The following JAKMIP3 variants were observed in gnomAD, a reference collection of about 807,000 sequenced individuals.
JAKMIP3 encodes the protein janus kinase and microtubule-interacting protein 3.
JAKMIP3 carries 58 observed loss-of-function variants against 118.5 expected under a neutral mutation model. The observed-to-expected ratio is 0.49, with a 90% CI of 0.40 to 0.61. The LOEUF (loss-of-function observed/expected upper bound fraction) is 0.61. Among genes scored for constraint, JAKMIP3 ranks in the 20% least tolerant of loss-of-function variants. The probability of loss-of-function intolerance (pLI) is 0.00; values close to 1 mark genes in which losing one functional copy is unlikely to be tolerated. For missense variants in JAKMIP3, 950 were observed against 1,109.0 expected, an observed-to-expected ratio of 0.86 and a Z score of 2.04; for synonymous variants, 486 against 451.2, an observed-to-expected ratio of 1.08 and a Z score of -0.98.
rs992640007 is a variant in JAKMIP3 at position 132,049,604 on chromosome 10, C to T, written c.-138+12866C>T. On this transcript the variant is annotated intron_variant, in intron 1 of 23. Coordinates refer to the JAKMIP3 transcript ENST00000657785. This position sits in a 1 kb window ranked among gnomAD's most constrained non-coding sequence, Gnocchi z 4.3. The stretch of plus-strand genomic sequence containing the variant: ...TTTCCATATCCTTGAATGCTGTTTG[C>T]GTGTGCCCGGTTCTGTTTGGATGTA... 1.3e-5 allele frequency among the ~76,000 whole-genome samples: 2 copies of T among 151,700 alleles called. No individual in the cohort carries two copies. The highest frequency in any genetic ancestry group is 2.9e-5 in the Non-Finnish European group (2 of 67,982).
At chr10:132,038,493 G>A (rs1342542477) in intron 1 of JAKMIP3, among the ~76,000 whole-genome samples, 1 of 152,140 alleles carries the variant, frequency 6.6e-6, no homozygotes, top group African/African-American at 2.4e-5. Flanking sequence ...AAGAAATAGC[G>A]ATGATCAAAA....
At chr10:132,075,394 A>T (rs2040624286) in intron 1 of JAKMIP3, among the ~76,000 whole-genome samples, 1 of 130,816 alleles carries the variant, frequency 7.6e-6, no homozygotes, top group African/African-American at 3.0e-5. Context: ...TATTGCTTTC[A>T]TATACTTCAC....
chr10:132,052,465 C>G (rs1361699066), intron 1 of JAKMIP3, among the ~76,000 whole-genome samples: 1 of 152,160 alleles, frequency 6.6e-6, no homozygotes, highest in Non-Finnish European at 1.5e-5. Context: ...AGAATTCTGT[C>G]AGTATATCTT....
At chr10:132,180,740 TGCGTGCGCGCGCGTGTGTGC>T (rs1565021707) in intron 23 of JAKMIP3, among the ~76,000 whole-genome samples, 2 of 5,138 alleles carry the variant, frequency 3.9e-4, no homozygotes, top group Admixed American at 2.7e-3. Context: ...CGTGTGTGCG[TGCGTGCGCGCGCGTGTGTGC>T]GTGTGTGTGC....
In JAKMIP3 at chr10:132,037,082, G is replaced by A. The variant is rs573595710; in HGVS notation, c.-138+344G>A. On this transcript the variant is annotated intron_variant, in intron 1 of 23. Coordinates refer to the JAKMIP3 transcript ENST00000657785. ...GACTGTGCCTCCCGCGGAAAGGGGC[G>A]CCGTGCGATTATTTTTATGTTGGTG... 8.0e-4 allele frequency among the ~76,000 whole-genome samples: 122 copies of A among 152,364 alleles called. 1 individual carries two copies. Among genetic ancestry groups the A allele is most frequent in the African/African-American group, 2.8e-3 (118 of 41,584 alleles).
intron 1 of JAKMIP3, among the ~76,000 whole-genome samples, chr10:132,053,338 A>G (rs2038148847): frequency 6.6e-6 from 1 of 152,154 alleles, no homozygotes. Context: ...TGTGGGTTGT[A>G]TAGTTCTGTT....
rs1195743202 is a variant in JAKMIP3 at position 132,180,574 on chromosome 10, T to TGCGCGCGC, written c.*1104-1782_*1104-1781insCGCGCGCG. On this transcript the variant is annotated intron_variant, in intron 23 of 23. Transcript: ENST00000684848. ...GCGTGCATGCGTGTGTGTGCGTGTG[T>TGCGCGCGC]GTGTGCGTGCGCGTGTGTGTGTGCG... 1.6e-4 allele frequency among the ~76,000 whole-genome samples: 7 copies of TGCGCGCGC among 42,704 alleles called. 1 individual carries two copies. The highest frequency in any genetic ancestry group is 2.9e-4 in the Admixed American group (1 of 3,468). 28.0% of individuals were successfully genotyped at this position (42,704 alleles called of 152,430 possible).
Position 132,044,756 on chromosome 10 carries a change from C to T in JAKMIP3, c.-138+8018C>T, listed in dbSNP as rs141051080. Reference sequence around the variant, plus strand: ...GAGTAGGGACAATCGCAGTGCTGTGCAAACCACCTCCAGAACGATTTCATC... The same window carrying T: ...GAGTAGGGACAATCGCAGTGCTGTGTAAACCACCTCCAGAACGATTTCATC... On this transcript the variant is annotated intron_variant, in intron 1 of 23. Transcript: ENST00000657785. This position sits in a 1 kb window ranked among gnomAD's most constrained non-coding sequence, Gnocchi z 5.3. Among the ~76,000 whole-genome samples, 565 of 152,252 alleles carry T rather than the reference C, an allele frequency of 3.7e-3. 7 individuals are homozygous for T. Among genetic ancestry groups the T allele is most frequent in the African/African-American group, 0.013 (532 of 41,540 alleles).
At chr10:132,059,074 C>T (rs962649464) in intron 1 of JAKMIP3, among the ~76,000 whole-genome samples, 4 of 152,234 alleles carry the variant, frequency 2.6e-5, no homozygotes, top group Non-Finnish European at 5.9e-5. Context: ...CAGCTGTTCG[C>T]GCGGACGACA....
upstream of JAKMIP3, among the ~76,000 whole-genome samples, chr10:132,036,643 C>A (rs1017078011): frequency 1.1e-4 from 16 of 150,878 alleles, no homozygotes; most frequent in Admixed American, 6.6e-4. Context: ...GGGGCTCCTG[C>A]CCGCGGTGAC....
chr10:132,168,677 G>A lies in JAKMIP3; in HGVS notation c.*747G>A, dbSNP rs993492133. The A allele has an allele frequency of 3.1e-5, 10 of 322,498 alleles. No individual in the cohort carries two copies. Among genetic ancestry groups the A allele is most frequent in the East Asian group, 2.0e-4 (2 of 10,140 alleles). The allele number at this position is 322,498 out of a possible 1,614,324, so 20.0% of individuals were successfully genotyped here. On this transcript the variant is annotated 3_prime_UTR_variant, in exon 23 of 24. Transcript: ENST00000684848. ...GGAAGGCCAAGATCCCGCCCAAGCC[G>A]CCAGCTGGGAGCACCGCGGGACTGA... is the stretch of plus-strand genomic sequence containing the variant.
intron 1 of JAKMIP3, among the ~76,000 whole-genome samples, chr10:132,067,365 C>T (rs1034768440): frequency 5.9e-5 from 9 of 152,136 alleles, no homozygotes; most frequent in African/African-American, 2.2e-4. Flanking sequence ...CCTAAGGGCA[C>T]GCTGTGGCAG....
At position 132,071,053 on chromosome 10, in the gene JAKMIP3, T is replaced by C. The variant is rs142837843; in HGVS notation, c.-138+4992T>C. Among the ~76,000 whole-genome samples the C allele has an allele frequency of 3.6e-3, 556 of 152,338 alleles. 7 individuals are homozygous for C. The highest frequency in any genetic ancestry group is 8.6e-3 in the African/African-American group (356 of 41,586). Reference sequence around the variant, plus strand: ...ATAACTTTTTCTCTTTATACCACTTTAGCTGTGTCCTGCAACTTCTGGTAT... The same window carrying C: ...ATAACTTTTTCTCTTTATACCACTTCAGCTGTGTCCTGCAACTTCTGGTAT... On this transcript the variant is annotated intron_variant, in intron 1 of 23. Transcript: ENST00000684848.
At chr10:132,128,037 C>T (rs138630164) in intron 3 of JAKMIP3, among the ~76,000 whole-genome samples, 109 of 152,248 alleles carry the variant, frequency 7.2e-4, no homozygotes, top group African/African-American at 2.5e-3. Context: ...TTTACAATTT[C>T]TTATCTGCAG....
At chr10:132,165,482 C>G (rs1363597653) in intron 21 of JAKMIP3, among the ~76,000 whole-genome samples, 1 of 152,158 alleles carries the variant, frequency 6.6e-6, no homozygotes, top group Non-Finnish European at 1.5e-5. Flanking sequence ...TTTGCTAAAT[C>G]TGCTATGCGG....
At chr10:132,077,350 C>G (rs2040992482) in intron 1 of JAKMIP3, among the ~76,000 whole-genome samples, 2 of 152,144 alleles carry the variant, frequency 1.3e-5, no homozygotes, top group South Asian at 4.1e-4. Context: ...TCTCTCTCAG[C>G]CCTTCCTGTG....
At chr10:132,127,068 G>C (rs1051508093) in intron 3 of JAKMIP3, among the ~76,000 whole-genome samples, 1 of 152,010 alleles carries the variant, frequency 6.6e-6, no homozygotes, top group African/African-American at 2.4e-5. Context: ...TGGGTCAGGA[G>C]TTTTGTGATA....
At position 132,083,024 on chromosome 10, in the gene JAKMIP3, A is replaced by G. The variant is rs143302513; in HGVS notation, c.-138+16963A>G. ...GCATGTGCAAGTATCTTTTTCCTATAATGACTTCTTTTCCTCTGGGTAGAT... is the reference window on the plus strand; with the variant it reads ...GCATGTGCAAGTATCTTTTTCCTATGATGACTTCTTTTCCTCTGGGTAGAT... On this transcript the variant is annotated intron_variant, in intron 1 of 23. Transcript: ENST00000684848. Among the ~76,000 whole-genome samples, 1,230 of 152,266 alleles carry G rather than the reference A, an allele frequency of 8.1e-3. 15 individuals carry two copies. Among genetic ancestry groups the G allele is most frequent in the African/African-American group, 0.028 (1,168 of 41,562 alleles).
In JAKMIP3 at chr10:132,152,950, G is replaced by A. The variant is rs771980090; in HGVS notation, c.2008-8G>A. The A allele has an allele frequency of 1.9e-6, 3 of 1,600,784 alleles. No homozygotes were observed. In the South Asian group the frequency reaches 3.4e-5, roughly 18 times the overall value. ...CTGACCGCACCTGTGTTCTGCTTTT[G>A]GGTGCAGAACCTGACCAATGAGGAG... On this transcript the variant is annotated splice_region_variant and splice_polypyrimidine_tract_variant and intron_variant, in intron 16 of 23. Transcript: ENST00000684848.
Sources: allele counts gnomAD v4.1 joint callset (sites outside exome capture counted in the v4.1 genomes callset), GRCh38; gene constraint gnomAD v4.1.1; non-coding constraint Gnocchi (gnomAD v3.1); transcripts MANE v1.5; gene names NCBI Gene and HGNC (gene_info 2026-07-23, HGNC 2026-07-21).